The following PYY variants were observed in gnomAD, a reference collection of about 807,000 sequenced individuals.
PYY encodes the protein peptide tyrosine tyrosine.
In PYY, 12 loss-of-function variants were observed where a neutral mutation model predicts 10.3. The observed-to-expected ratio is 1.17, with a 90% CI of 0.75 to 1.89. The LOEUF (loss-of-function observed/expected upper bound fraction) is 1.89. Ranked by LOEUF, PYY falls within the 40% of genes most tolerant of loss-of-function variation. PYY has a pLI of 0.00. For missense variants in PYY, 141 were observed against 134.0 expected, an observed-to-expected ratio of 1.05 and a Z score of -0.26; for synonymous variants, 66 against 62.0, an observed-to-expected ratio of 1.06 and a Z score of -0.30.
At chr17:43,985,194 G>A (rs2046534) in intron 1 of PYY, among the ~76,000 whole-genome samples, 143,480 of 152,226 alleles carry the variant, frequency 0.94, 67,646 homozygotes, top group East Asian at 1. Context: ...ACTCCCACTT[G>A]TTTTCATTTT....
intron 1 of PYY, among the ~76,000 whole-genome samples, chr17:43,990,819 G>C (rs529027552): frequency 1.5e-5 from 2 of 134,938 alleles, no homozygotes; most frequent in South Asian, 4.9e-4. Context: ...TTTTGAGACA[G>C]AGTCTTGCTC....
chr17:43,983,600 A>G (rs2048896784), intron 1 of PYY, among the ~76,000 whole-genome samples: 1 of 152,220 alleles, frequency 6.6e-6, no homozygotes, highest in South Asian at 2.1e-4. Flanking sequence ...AAGGACCCCA[A>G]GCACACGTGT....
At chr17:44,003,570 G>T in intron 1 of PYY, among the ~76,000 whole-genome samples, 1 of 146,594 alleles carries the variant, frequency 6.8e-6, no homozygotes, top group East Asian at 2.0e-4. Flanking sequence ...CAGGAGAATC[G>T]CTTGAACCCA....
In PYY at chr17:43,982,730, C is replaced by T. The variant is rs541101771; in HGVS notation, c.-462-16198G>A. Among the ~76,000 whole-genome samples, 10 of 152,316 alleles carry T rather than the reference C, an allele frequency of 6.6e-5. No homozygotes were observed. In the East Asian group the frequency reaches 1.7e-3, roughly 26 times the overall value. ...GACTTGTGCCTGAAGATGGGTCAGG[C>T]TGGATTCTGTGCTCAACTGGCTGCC... On this transcript the variant is annotated intron_variant, in intron 1 of 6. Coordinates refer to the PYY transcript ENST00000360085.
At chr17:43,960,673 C>A (rs1448892430) in intron 2 of PYY, among the ~76,000 whole-genome samples, 1 of 148,086 alleles carries the variant, frequency 6.8e-6, no homozygotes, top group Admixed American at 6.8e-5. Context: ...CATGGTGAAA[C>A]CCCGTCTCTA....
chr17:43,956,190 C>T (rs1286969927), upstream of PYY, among the ~76,000 whole-genome samples: 2 of 152,024 alleles, frequency 1.3e-5, no homozygotes, highest in African/African-American at 4.8e-5. Context: ...GTCACTTCCT[C>T]ATTTATAGCC....
upstream of PYY, among the ~76,000 whole-genome samples, chr17:43,957,283 G>A (rs1025425350): frequency 6.6e-6 from 1 of 152,064 alleles, no homozygotes; most frequent in Non-Finnish European, 1.5e-5. Context: ...TCTAGGCACT[G>A]GGATAGAGTA....
intron 1 of PYY, among the ~76,000 whole-genome samples, chr17:43,986,190 C>T (rs991732712): frequency 1.3e-5 from 2 of 151,990 alleles, no homozygotes; most frequent in African/African-American, 4.8e-5. Context: ...ACCCGGGAGG[C>T]GGGGGTTGCA....
chr17:43,976,308 C>T (rs1008091554), intron 1 of PYY, among the ~76,000 whole-genome samples: 1 of 149,586 alleles, frequency 6.7e-6, no homozygotes, highest in African/African-American at 2.5e-5. Flanking sequence ...TATACATATA[C>T]GTATATACAC....
chr17:43,979,346 T>G (rs553333786), intron 1 of PYY, among the ~76,000 whole-genome samples: 1 of 152,336 alleles, frequency 6.6e-6, no homozygotes, highest in East Asian at 1.9e-4. Context: ...ATTTAAGTCC[T>G]TGTTATTTTG....
chr17:43,969,445 A>T (rs2048774900), intron 1 of PYY, among the ~76,000 whole-genome samples: 1 of 146,016 alleles, frequency 6.8e-6, no homozygotes, highest in Non-Finnish European at 1.5e-5. Flanking sequence ...TGAACCCAGG[A>T]GCAGAGGTTG....
chr17:43,955,730 C>T (rs187851570), upstream of PYY, among the ~76,000 whole-genome samples: 183 of 152,242 alleles, frequency 1.2e-3, no homozygotes, highest in Non-Finnish European at 2.0e-3. Flanking sequence ...AGAACAGATA[C>T]AGAGAGACAG....
intron 1 of PYY, among the ~76,000 whole-genome samples, chr17:43,983,860 C>A (rs1304874177): frequency 6.6e-6 from 1 of 152,204 alleles, no homozygotes; most frequent in East Asian, 1.9e-4. Flanking sequence ...CCTCCCCAGG[C>A]GCGCGCAGGG....
chr17:43,996,325 G>A (rs994755426), intron 1 of PYY, among the ~76,000 whole-genome samples: 2 of 152,228 alleles, frequency 1.3e-5, no homozygotes, highest in African/African-American at 4.8e-5. Flanking sequence ...CCCCACCCTT[G>A]CTGTCCCAGC....
rs1462753457 is a variant in PYY at position 43,987,884 on chromosome 17, G to A, written c.-463+16507C>T. On this transcript the variant is annotated intron_variant, in intron 1 of 6. Transcript: ENST00000360085. This position sits in a 1 kb window ranked among gnomAD's most constrained non-coding sequence, Gnocchi z 4.0. Reference sequence around the variant, plus strand: ...GGCAAGGATGGAGAACGAGTGCTTCGGTAGCAGGGAGGGGCAGAGAGCGGT... The same window carrying A: ...GGCAAGGATGGAGAACGAGTGCTTCAGTAGCAGGGAGGGGCAGAGAGCGGT... 6.6e-6 allele frequency among the ~76,000 whole-genome samples: 1 copy of A among 152,192 alleles called. No individual in the cohort carries two copies. The highest frequency in any genetic ancestry group is 2.4e-5 in the African/African-American group (1 of 41,450).
chr17:43,972,539 A>ATT (rs11413544), intron 1 of PYY, among the ~76,000 whole-genome samples: 132 of 147,700 alleles, frequency 8.9e-4, no homozygotes, highest in African/African-American at 1.7e-3. Flanking sequence ...TTTAAAAAAC[A>ATT]TTTTTTTTTT....
upstream of PYY, among the ~76,000 whole-genome samples, chr17:43,955,613 G>A (rs1043165329): frequency 6.6e-6 from 1 of 152,046 alleles, no homozygotes; most frequent in Non-Finnish European, 1.5e-5. Flanking sequence ...ATTCTTCTTA[G>A]GGAGCCCTCA....
At chr17:43,985,912 GT>G (rs766724531) in intron 1 of PYY, among the ~76,000 whole-genome samples, 6 of 152,110 alleles carry the variant, frequency 3.9e-5, no homozygotes, top group Non-Finnish European at 8.8e-5. Flanking sequence ...TTCCAATTTC[GT>G]AAAATATATG....
chr17:43,971,771 T>C (rs1243566274), intron 1 of PYY, among the ~76,000 whole-genome samples: 2 of 151,892 alleles, frequency 1.3e-5, no homozygotes, highest in African/African-American at 4.8e-5. Context: ...TTGCTGAATA[T>C]GTGATTTGCA....
Sources: allele counts gnomAD v4.1 joint callset (sites outside exome capture counted in the v4.1 genomes callset), GRCh38; gene constraint gnomAD v4.1.1; non-coding constraint Gnocchi (gnomAD v3.1); transcripts MANE v1.5; gene names NCBI Gene and HGNC (gene_info 2026-07-23, HGNC 2026-07-21).